The following IKZF3 variants were observed in gnomAD, a reference collection of about 807,000 sequenced individuals.
The protein encoded by IKZF3 is zinc finger protein Aiolos.
Under a neutral mutation model 49.0 loss-of-function variants are expected in IKZF3, and 10 were observed. The observed-to-expected ratio is 0.20, with a 90% CI of 0.13 to 0.35. The LOEUF (loss-of-function observed/expected upper bound fraction) is 0.35, where lower values mean the gene tolerates loss of function less well. Among genes scored for constraint, IKZF3 ranks in the 10% least tolerant of loss-of-function variants. The probability of loss-of-function intolerance (pLI) is 1.00; values close to 1 mark genes in which losing one functional copy is unlikely to be tolerated. For synonymous variants in IKZF3, 209 were observed against 228.2 expected, an observed-to-expected ratio of 0.92 and a Z score of 0.76; for missense variants, 498 against 664.8, an observed-to-expected ratio of 0.75 and a Z score of 2.76.
At position 39,763,086 on chromosome 17, in the gene IKZF3, G is replaced by A. The variant is rs2060216639; in HGVS notation, c.*2704C>T. The A allele has an allele frequency of 6.6e-6, 1 of 152,194 alleles. No individual in the cohort carries two copies. The highest frequency in any genetic ancestry group is 1.5e-5 in the Non-Finnish European group (1 of 68,042). 9.4% of individuals were successfully genotyped at this position (152,194 alleles called of 1,614,324 possible). ...AACTCCTCTTTCACAAAGGGAATAA[G>A]CAATCTGGCATAGCTTGGAGTCTAG... On this transcript the variant is annotated 3_prime_UTR_variant, in exon 8 of 8. Transcript: ENST00000346872.
chr17:39,861,755 T>A (rs543800803), intron 1 of IKZF3, among the ~76,000 whole-genome samples: 11 of 152,072 alleles, frequency 7.2e-5, no homozygotes, highest in Non-Finnish European at 1.3e-4. Flanking sequence ...ATCCTAGGTA[T>A]GTTTGGTGTA....
intron 3 of IKZF3, among the ~76,000 whole-genome samples, chr17:39,797,731 C>T (rs1336591359): frequency 6.6e-6 from 1 of 151,934 alleles, no homozygotes; most frequent in Non-Finnish European, 1.5e-5. Flanking sequence ...CCCCTGCACT[C>T]CTATTTCTTC....
intron 3 of IKZF3, among the ~76,000 whole-genome samples, chr17:39,809,873 C>G (rs542540851): frequency 6.6e-6 from 1 of 152,256 alleles, no homozygotes; most frequent in East Asian, 1.9e-4. Flanking sequence ...ATTTTATATA[C>G]AAACAACTGA....
intron 7 of IKZF3, among the ~76,000 whole-genome samples, chr17:39,771,548 C>T (rs929530824): frequency 2.6e-5 from 4 of 152,110 alleles, no homozygotes; most frequent in African/African-American, 9.7e-5. Context: ...CTCAAATATG[C>T]CACACTTAAT....
intron 3 of IKZF3, among the ~76,000 whole-genome samples, chr17:39,824,777 G>A (rs1242660523): frequency 6.6e-6 from 1 of 151,446 alleles, no homozygotes; most frequent in Non-Finnish European, 1.5e-5. Flanking sequence ...CTCACTGCAA[G>A]CTCTGCCTCC....
chr17:39,803,171 T>A (rs2061360377), intron 3 of IKZF3, among the ~76,000 whole-genome samples: 1 of 152,200 alleles, frequency 6.6e-6, no homozygotes, highest in Admixed American at 6.5e-5. Flanking sequence ...TAATTCTTTA[T>A]CTAGAATTGT....
chr17:39,825,951 A>G (rs1030418063), intron 3 of IKZF3, among the ~76,000 whole-genome samples: 2 of 152,164 alleles, frequency 1.3e-5, no homozygotes, highest in Non-Finnish European at 2.9e-5. Flanking sequence ...TGACTTTGGA[A>G]CTATGTGAGG....
At chr17:39,793,889 G>C (rs1277838415) in intron 3 of IKZF3, among the ~76,000 whole-genome samples, 1 of 152,126 alleles carries the variant, frequency 6.6e-6, no homozygotes, top group African/African-American at 2.4e-5. Context: ...AAACAAAGAA[G>C]GCAAATTTAT....
intron 6 of IKZF3, among the ~76,000 whole-genome samples, chr17:39,779,846 C>G (rs748599338): frequency 6.6e-6 from 1 of 151,974 alleles, no homozygotes; most frequent in South Asian, 2.1e-4. Flanking sequence ...ATGAACTATC[C>G]ATACATTTCT....
intron 1 of IKZF3, among the ~76,000 whole-genome samples, chr17:39,847,606 G>C (rs34654193): frequency 0.058 from 8,788 of 152,104 alleles, 397 homozygotes; most frequent in African/African-American, 0.12. Context: ...ACCATGGTGA[G>C]AGCTGTCTTC....
At chr17:39,802,387 G>A (rs541507405) in intron 3 of IKZF3, among the ~76,000 whole-genome samples, 107 of 151,688 alleles carry the variant, frequency 7.1e-4, no homozygotes, top group African/African-American at 2.5e-3. Context: ...TGGGAGGATC[G>A]CTTGGGCCCA....
rs774618473 is a variant in IKZF3, at chr17:39,764,818, G to A, written c.*972C>T. 1 of 152,242 alleles carries A rather than the reference G, an allele frequency of 6.6e-6. No homozygotes were observed. Among genetic ancestry groups the A allele is most frequent in the African/African-American group, 2.4e-5 (1 of 41,426 alleles). The allele number at this position is 152,242 out of a possible 1,614,324, so 9.4% of individuals were successfully genotyped here. A position where few individuals can be genotyped will look rare whatever the true frequency, so the allele number is the denominator to read the frequency against. The stretch of plus-strand genomic sequence containing the variant: ...TCTCCAATTCCTCTCCTGTGGGGAG[G>A]GGGAGGCTGAGCCATACTTTTTGGA... On this transcript the variant is annotated 3_prime_UTR_variant, in exon 8 of 8. Transcript: ENST00000346872.
intron 1 of IKZF3, among the ~76,000 whole-genome samples, chr17:39,852,138 T>A (rs957381330): frequency 2.0e-5 from 3 of 152,200 alleles, no homozygotes; most frequent in African/African-American, 4.8e-5. Flanking sequence ...TTTCTCTCAA[T>A]AAACTTACAC....
intron 3 of IKZF3, among the ~76,000 whole-genome samples, chr17:39,812,103 T>C (rs1035970245): frequency 2.0e-5 from 3 of 152,218 alleles, no homozygotes; most frequent in African/African-American, 7.2e-5. Context: ...TGTAACAGTA[T>C]ATTAAAAACA....
At chr17:39,857,465 G>T (rs2063094195) in intron 1 of IKZF3, among the ~76,000 whole-genome samples, 1 of 152,092 alleles carries the variant, frequency 6.6e-6, no homozygotes, top group Non-Finnish European at 1.5e-5. Flanking sequence ...GGTTTATAGT[G>T]GAAACTGCAG....
chr17:39,822,108 A>G (rs1223200362), intron 3 of IKZF3, among the ~76,000 whole-genome samples: 1 of 152,160 alleles, frequency 6.6e-6, no homozygotes, highest in Non-Finnish European at 1.5e-5. Flanking sequence ...ACCCTGAGAA[A>G]GGGAACTATC....
chr17:39,759,055 A>G lies in IKZF3; in HGVS notation c.*6735T>C, dbSNP rs1366971813. The G allele has an allele frequency of 1.3e-5, 2 of 151,800 alleles. No individual in the cohort carries two copies. Among genetic ancestry groups the G allele is most frequent in the African/African-American group, 2.4e-5 (1 of 41,276 alleles). The allele number at this position is 151,800 out of a possible 1,614,324, so 9.4% of individuals were successfully genotyped here. A position where few individuals can be genotyped will look rare whatever the true frequency, so the allele number is the denominator to read the frequency against. On this transcript the variant is annotated 3_prime_UTR_variant, in exon 8 of 8. Coordinates refer to ENST00000346872, the MANE Select transcript of IKZF3 (RefSeq NM_012481.5). ...ACAAAAATTTAATACACCCATTAAC[A>G]TTCCTATTTCAAATAGCTCAATCGA...
intron 5 of IKZF3, among the ~76,000 whole-genome samples, chr17:39,789,895 T>A (rs2060972123): frequency 7.4e-6 from 1 of 135,280 alleles, no homozygotes; most frequent in Non-Finnish European, 1.5e-5. Flanking sequence ...CAAGACTCCG[T>A]CTCAAAAAAA....
intron 1 of IKZF3, among the ~76,000 whole-genome samples, chr17:39,838,397 T>G (rs1482183201): frequency 6.6e-6 from 1 of 152,248 alleles, no homozygotes; most frequent in East Asian, 1.9e-4. Context: ...CTTAATTTGC[T>G]GTTAAGCCTA....
Sources: gnomAD v4.1 joint callset for allele counts (sites outside exome capture counted in the v4.1 genomes callset) on GRCh38, gnomAD v4.1.1 for gene constraint, MANE v1.5 for transcripts, NCBI Gene and HGNC (gene_info 2026-07-23, HGNC 2026-07-21) for gene names.